The following ACTR3C variants were observed in gnomAD, a reference collection of about 807,000 sequenced individuals.
The protein encoded by ACTR3C is actin related protein 3C, also known as actin-related protein 3C.
A neutral mutation model predicts 26.3 loss-of-function variants in ACTR3C; 18 were observed. The ratio of observed to expected loss-of-function variants is 0.68; its 90% CI spans 0.47 to 1.01. ACTR3C has a LOEUF of 1.01. Among genes scored for constraint, ACTR3C ranks in the 50% least tolerant of loss-of-function variants. The probability of loss-of-function intolerance (pLI) is 0.00; values close to 1 mark genes in which losing one functional copy is unlikely to be tolerated. For missense variants in ACTR3C, 184 were observed against 250.7 expected (o/e 0.73, Z 1.80); for synonymous variants, 55 against 94.5 (o/e 0.58, Z 2.42).
the ACTR3C span, among the ~76,000 whole-genome samples, chr7:150,077,610 T>C: frequency 1.4e-3 from 218 of 152,226 alleles, no homozygotes; most frequent in Non-Finnish European, 2.5e-3. Context: ...TCAGGACAAG[T>C]ACTGGGTACC....
At chr7:149,891,493 C>T in the ACTR3C span, 1 of 337,142 alleles carries the variant, frequency 3.0e-6, no homozygotes, top group Non-Finnish European at 5.8e-6. Flanking sequence ...TCATATTCTC[C>T]TCCACTCATT....
At chr7:150,235,967 C>A in the ACTR3C span, among the ~76,000 whole-genome samples, 6 of 150,838 alleles carry the variant, frequency 4.0e-5, 1 homozygote, top group Admixed American at 3.9e-4. Flanking sequence ...CTGCAAGACA[C>A]TAAAAATGAA....
chr7:150,224,788 G>A, the ACTR3C span, among the ~76,000 whole-genome samples: 1 of 152,182 alleles, frequency 6.6e-6, no homozygotes, highest in Admixed American at 6.5e-5. Flanking sequence ...CAGAGCGTTT[G>A]CATACATTTT....
the ACTR3C span, among the ~76,000 whole-genome samples, chr7:149,931,578 G>C: frequency 6.6e-6 from 1 of 152,162 alleles, no homozygotes; most frequent in Non-Finnish European, 1.5e-5. Context: ...GCACTAAGGA[G>C]CTGCTTCATG....
the ACTR3C span, among the ~76,000 whole-genome samples, chr7:150,143,921 A>C: frequency 2.0e-5 from 3 of 152,218 alleles, no homozygotes; most frequent in African/African-American, 7.2e-5. Flanking sequence ...GAAGAGAAGG[A>C]GATCAGGTGA....
In ACTR3C at chr7:150,288,439, G is replaced by A. The variant is rs1278128981; in HGVS notation, c.297+1011C>T. 3.0e-5 allele frequency among the ~76,000 whole-genome samples: 4 copies of A among 134,474 alleles called. 1 individual carries two copies. Among genetic ancestry groups the A allele is most frequent in the Non-Finnish European group, 4.6e-5 (3 of 65,770 alleles). 88.2% of individuals were successfully genotyped at this position (134,474 alleles called of 152,430 possible). On this transcript the variant is annotated intron_variant, in intron 4 of 7. Coordinates refer to ENST00000683684, the MANE Select transcript of ACTR3C (RefSeq NM_001164458.2). ...TTTTCTTCTTTTTTGAAATAGAGAC[G>A]AGATCTCGCTATATCACCTGGGCTA...
intron 6 of ACTR3C, among the ~76,000 whole-genome samples, chr7:150,257,118 T>G (rs893540072): frequency 6.6e-6 from 1 of 151,970 alleles, no homozygotes; most frequent in African/African-American, 2.4e-5. Context: ...ACAAAATGAG[T>G]ATGTAACATA....
chr7:150,185,978 G>A, the ACTR3C span, among the ~76,000 whole-genome samples: 3 of 152,064 alleles, frequency 2.0e-5, no homozygotes, highest in Non-Finnish European at 2.9e-5. Flanking sequence ...TTTTGATCTC[G>A]GATTAGTGAA....
the ACTR3C span, among the ~76,000 whole-genome samples, chr7:149,936,657 T>A: frequency 6.6e-6 from 1 of 152,234 alleles, no homozygotes; most frequent in East Asian, 1.9e-4. Flanking sequence ...ACTTGACTAT[T>A]GATTCAGGAT....
chr7:149,887,385 T>G, the ACTR3C span, among the ~76,000 whole-genome samples: 2 of 152,176 alleles, frequency 1.3e-5, no homozygotes, highest in Non-Finnish European at 2.9e-5. Flanking sequence ...TTAACCTGCT[T>G]ATTACAGAGA....
At chr7:150,225,109 A>G in the ACTR3C span, among the ~76,000 whole-genome samples, 1 of 151,590 alleles carries the variant, frequency 6.6e-6, no homozygotes, top group Non-Finnish European at 1.5e-5. Flanking sequence ...CCTCAGGCTC[A>G]CCTTGTACAT....
At chr7:150,082,947 C>CTTTTTTTTTTTTTTT in the ACTR3C span, among the ~76,000 whole-genome samples, 48 of 108,516 alleles carry the variant, frequency 4.4e-4, 1 homozygote, top group African/African-American at 9.1e-4. Context: ...TTTTTTTTTT[C>CTTTTTTTTTTTTTTT]TTTTTTTTTT....
At chr7:150,214,316 C>T in the ACTR3C span, among the ~76,000 whole-genome samples, 1 of 151,764 alleles carries the variant, frequency 6.6e-6, no homozygotes, top group Non-Finnish European at 1.5e-5. Flanking sequence ...AAGAAGACTC[C>T]TCATTTATTA....
At chr7:150,066,682 C>A in the ACTR3C span, among the ~76,000 whole-genome samples, 1 of 152,140 alleles carries the variant, frequency 6.6e-6, no homozygotes, top group East Asian at 1.9e-4. Flanking sequence ...TCTCAATGAG[C>A]CTTCCACCAA....
the ACTR3C span, among the ~76,000 whole-genome samples, chr7:150,146,352 T>G: frequency 6.6e-6 from 1 of 152,264 alleles, no homozygotes; most frequent in African/African-American, 2.4e-5. Flanking sequence ...TTTCCCCAGT[T>G]CAAACACAAT....
At chr7:149,938,971 C>A in the ACTR3C span, among the ~76,000 whole-genome samples, 1 of 146,056 alleles carries the variant, frequency 6.8e-6, no homozygotes, top group African/African-American at 2.6e-5. Flanking sequence ...ATATTATATA[C>A]ATATATATGT....
chr7:149,920,892 A>G, the ACTR3C span, among the ~76,000 whole-genome samples: 10 of 151,800 alleles, frequency 6.6e-5, no homozygotes, highest in African/African-American at 2.2e-4. Context: ...TCAGCTTCCC[A>G]AGTAGCTGGA....
At chr7:150,085,437 G>C in the ACTR3C span, among the ~76,000 whole-genome samples, 1 of 152,046 alleles carries the variant, frequency 6.6e-6, no homozygotes, top group African/African-American at 2.4e-5. Context: ...AGAGTGTTTC[G>C]AGATGGAAGT....
At chr7:149,919,540 C>T in the ACTR3C span, among the ~76,000 whole-genome samples, 1 of 151,912 alleles carries the variant, frequency 6.6e-6, no homozygotes, top group Non-Finnish European at 1.5e-5. Flanking sequence ...GCGTCTGGCC[C>T]CTTTTACTTT....
Sources: gnomAD v4.1 joint callset for allele counts (sites outside exome capture counted in the v4.1 genomes callset) on GRCh38, gnomAD v4.1.1 for gene constraint, MANE v1.5 for transcripts, NCBI Gene and HGNC (gene_info 2026-07-23, HGNC 2026-07-21) for gene names.